Variants in FER observed in about 807,000 individuals in gnomAD.
FER encodes tyrosine-protein kinase Fer.
A neutral mutation model predicts 111.0 loss-of-function variants in FER; 63 were observed. The ratio of observed to expected loss-of-function variants is 0.57; its 90% CI spans 0.46 to 0.70. FER has a LOEUF of 0.70. Among genes scored for constraint, FER ranks in the 30% least tolerant of loss-of-function variants. The pLI is 0.00. For synonymous variants in FER, 327 were observed against 313.9 expected (o/e 1.04, Z -0.44); for missense variants, 914 against 954.0 (o/e 0.96, Z 0.55).
intron 13 of FER, among the ~76,000 whole-genome samples, chr5:109,024,714 T>G (rs893726185): frequency 6.6e-6 from 1 of 152,188 alleles, no homozygotes; most frequent in Admixed American, 6.5e-5. Context: ...GAGCAGAAAC[T>G]ATATTTTGCT....
At chr5:108,923,936 A>G (rs190490058) in intron 10 of FER, among the ~76,000 whole-genome samples, 3 of 152,210 alleles carry the variant, frequency 2.0e-5, no homozygotes, top group Non-Finnish European at 4.4e-5. Flanking sequence ...GCTATCTGCA[A>G]GGTTTTGTTT....
intron 13 of FER, among the ~76,000 whole-genome samples, chr5:109,032,260 G>A (rs368277829): frequency 1.3e-5 from 2 of 152,102 alleles, no homozygotes; most frequent in South Asian, 2.1e-4. Flanking sequence ...ATGTTGGTGG[G>A]ACTGTGACAA....
In FER at chr5:109,187,724, C is replaced by G; in HGVS notation, c.*149C>G. The G allele has an allele frequency of 9.6e-7, 1 of 1,040,142 alleles. No individual in the cohort carries two copies. The highest frequency in any genetic ancestry group is 1.4e-6 in the Non-Finnish European group (1 of 731,788). The allele number at this position is 1,040,142 out of a possible 1,614,324, so 64.4% of individuals were successfully genotyped here. ...TAACTGGGTGTTTTAAAAGTACGTT[C>G]CACTTGTAAAAAGTCAAAGGCAAAT... On this transcript the variant is annotated 3_prime_UTR_variant, in exon 20 of 20. Coordinates refer to ENST00000281092, the MANE Select transcript of FER (RefSeq NM_005246.4).
intron 14 of FER, among the ~76,000 whole-genome samples, chr5:109,042,649 G>GGCAATGGGGATAATATGTATTCAGGGACA (rs1771343303): frequency 6.6e-6 from 1 of 152,092 alleles, no homozygotes; most frequent in Non-Finnish European, 1.5e-5. Flanking sequence ...AGACACAAAG[G>GGCAATGGGGATAATATGTATTCAGGGACA]GCAATGGGGA....
chr5:108,884,576 A>C (rs1447136470), intron 9 of FER, among the ~76,000 whole-genome samples: 2 of 148,500 alleles, frequency 1.3e-5, no homozygotes, highest in African/African-American at 5.0e-5. Context: ...GATTTTACAT[A>C]ATTTATGTAT....
At chr5:109,076,886 A>T (rs1008880171) in intron 16 of FER, among the ~76,000 whole-genome samples, 7 of 152,160 alleles carry the variant, frequency 4.6e-5, no homozygotes, top group Non-Finnish European at 1.0e-4. Context: ...TTGAATCTTC[A>T]CTTCAGCCCT....
chr5:108,995,641 A>G (rs571921125), intron 13 of FER, among the ~76,000 whole-genome samples: 11 of 152,282 alleles, frequency 7.2e-5, no homozygotes, highest in East Asian at 3.9e-4. Context: ...TATATGTGCC[A>G]TGTTTTCTTT....
At chr5:109,068,388 T>A (rs547348035) in intron 16 of FER, among the ~76,000 whole-genome samples, 1 of 152,264 alleles carries the variant, frequency 6.6e-6, no homozygotes, top group Non-Finnish European at 1.5e-5. Flanking sequence ...TTCACCATAT[T>A]GGCCAGGCTG....
chr5:108,864,756 A>T (rs909017835), intron 5 of FER, among the ~76,000 whole-genome samples: 11 of 152,020 alleles, frequency 7.2e-5, no homozygotes, highest in Non-Finnish European at 1.5e-4. Context: ...TTTTGGTTAC[A>T]GTAGCCTTGT....
intron 16 of FER, among the ~76,000 whole-genome samples, chr5:109,084,100 A>G (rs557373601): frequency 2.4e-4 from 37 of 152,162 alleles, no homozygotes; most frequent in African/African-American, 8.7e-4. Flanking sequence ...TGATTGAGAA[A>G]TAGGACATGA....
intron 5 of FER, among the ~76,000 whole-genome samples, chr5:108,863,982 GA>G (rs1400406259): frequency 6.6e-6 from 1 of 152,028 alleles, no homozygotes; most frequent in Non-Finnish European, 1.5e-5. Flanking sequence ...TCTAGTTTTA[GA>G]ACATGTTTCT....
intron 13 of FER, among the ~76,000 whole-genome samples, chr5:109,005,010 C>T (rs757468617): frequency 6.6e-6 from 1 of 151,894 alleles, no homozygotes; most frequent in Non-Finnish European, 1.5e-5. Flanking sequence ...TGGCTGATTT[C>T]TCGGAAACTA....
chr5:109,180,672 G>T, intron 17 of FER, 75 bp from the exon 18 acceptor site: 1 of 1,476,250 alleles, frequency 6.8e-7, no homozygotes, highest in South Asian at 1.3e-5. Flanking sequence ...AAAATGCAAA[G>T]TGTGGAAATC....
intron 16 of FER, among the ~76,000 whole-genome samples, chr5:109,082,470 C>T (rs1777098504): frequency 6.6e-6 from 1 of 151,982 alleles, no homozygotes; most frequent in African/African-American, 2.4e-5. Context: ...CAGCCCAGGC[C>T]CTGACTTATA....
intron 2 of FER, among the ~76,000 whole-genome samples, chr5:108,783,927 T>C (rs1268734049): frequency 6.6e-6 from 1 of 152,148 alleles, no homozygotes; most frequent in Non-Finnish European, 1.5e-5. Flanking sequence ...CTAGCAAAAC[T>C]GGGTTTGGCT....
At chr5:109,068,075 T>C (rs2149985676) in intron 16 of FER, among the ~76,000 whole-genome samples, 1 of 152,208 alleles carries the variant, frequency 6.6e-6, no homozygotes, top group East Asian at 1.9e-4. Context: ...AAATTTATTG[T>C]ATTCCAGAAT....
intron 13 of FER, among the ~76,000 whole-genome samples, chr5:109,000,742 T>C (rs1450910637): frequency 5.3e-5 from 8 of 151,034 alleles, no homozygotes; most frequent in East Asian, 1.9e-4. Context: ...ATCAACAAAA[T>C]TGATAGACCG....
At chr5:108,773,464 A>G (rs935796092) in intron 2 of FER, among the ~76,000 whole-genome samples, 1 of 151,970 alleles carries the variant, frequency 6.6e-6, no homozygotes, top group African/African-American at 2.4e-5. Flanking sequence ...TTCTGTTCCT[A>G]CGTTACTTTG....
intron 13 of FER, among the ~76,000 whole-genome samples, chr5:109,006,143 T>G (rs1765467453): frequency 6.6e-6 from 1 of 152,210 alleles, no homozygotes; most frequent in Non-Finnish European, 1.5e-5. Flanking sequence ...ATGATGACTT[T>G]GAATCTTGGG....
Sources: gnomAD v4.1 joint callset for allele counts (sites outside exome capture counted in the v4.1 genomes callset) on GRCh38, gnomAD v4.1.1 for gene constraint, MANE v1.5 for transcripts, NCBI Gene and HGNC (gene_info 2026-07-23, HGNC 2026-07-21) for gene names.